DNAH10: variants seen among roughly 807,000 people sequenced by gnomAD.
DNAH10 encodes the protein dynein axonemal heavy chain 10.
DNAH10 carries 348 observed loss-of-function variants against 506.6 expected under a neutral mutation model. The ratio of observed to expected loss-of-function variants is 0.69; its 90% CI spans 0.63 to 0.75. The LOEUF is 0.75. Among genes scored for constraint, DNAH10 ranks in the 30% least tolerant of loss-of-function variants. DNAH10 has a pLI of 0.00. For missense variants in DNAH10, 5,179 were observed against 5,787.1 expected, an observed-to-expected ratio of 0.89 and a Z score of 3.41; for synonymous variants, 2,059 against 2,198.6, an observed-to-expected ratio of 0.94 and a Z score of 1.78.
chr12:123,885,469 CATTTTTTTTT>C (rs1952688961), intron 51 of DNAH10, among the ~76,000 whole-genome samples: 1 of 152,014 alleles, frequency 6.6e-6, no homozygotes, highest in Admixed American at 6.5e-5. Flanking sequence ...GAATATTGTT[CATTTTTTTTT>C]CCCTATAGGA....
chr12:123,866,299 A>G (rs1566016095), intron 41 of DNAH10, among the ~76,000 whole-genome samples: 1 of 122,574 alleles, frequency 8.2e-6, no homozygotes, highest in Non-Finnish European at 1.6e-5. Flanking sequence ...GCTGGAGTGC[A>G]GTGGCGCAAT....
chr12:123,893,297 A>T lies in DNAH10; in HGVS notation c.9060A>T (p.Glu3020Asp), dbSNP rs777869489. The T allele has an allele frequency of 1.1e-4, 180 of 1,614,066 alleles. 1 individual carries two copies. In the Middle Eastern group the frequency reaches 2.1e-3, roughly 19 times the overall value. Residue 3020 changes from glutamate (E) to aspartate (D), a missense_variant, in exon 53 of 79, where the codon GAA becomes GAT. By Grantham distance (45) the Glu-to-Asp change is conservative. Around this residue, in one of 3 missense-constraint regions of DNAH10, gnomAD observed 4,844 missense variants for 5,430.5 expected, o/e 0.89. Transcript: ENST00000673944. ...KESILSQIGQ[E>D]ALKQGMGPAK... Reference sequence around the variant, plus strand: ...CTATCCTGAGTCAGATTGGACAGGAAGCTCTGAAGCAAGGCATGGGGCCGG... The same window carrying T: ...CTATCCTGAGTCAGATTGGACAGGATGCTCTGAAGCAAGGCATGGGGCCGG...
At chr12:123,882,973 G>A (rs991158689) in intron 51 of DNAH10, among the ~76,000 whole-genome samples, 2 of 151,850 alleles carry the variant, frequency 1.3e-5, no homozygotes, top group Non-Finnish European at 2.9e-5. Context: ...CATGTGAATA[G>A]TGTGTGTGTC....
At chr12:123,872,889 G>T (rs1952092253) in intron 45 of DNAH10, among the ~76,000 whole-genome samples, 1 of 152,170 alleles carries the variant, frequency 6.6e-6, no homozygotes, top group Non-Finnish European at 1.5e-5. Flanking sequence ...AAGGTGTGTG[G>T]CACAAACCCT....
chr12:123,778,109 G>A (rs548359136), intron 5 of DNAH10, among the ~76,000 whole-genome samples: 1 of 152,130 alleles, frequency 6.6e-6, no homozygotes, highest in South Asian at 2.1e-4. Flanking sequence ...AGGCTGAAGT[G>A]GGAGGATCGC....
chr12:123,804,418 G>C (rs985183658), intron 17 of DNAH10, among the ~76,000 whole-genome samples: 21 of 151,848 alleles, frequency 1.4e-4, no homozygotes, highest in African/African-American at 4.8e-4. Context: ...CCAGCTACTC[G>C]GGAGGCTGAG....
intron 57 of DNAH10, chr12:123,908,195 T>C: frequency 2.6e-6 from 1 of 379,982 alleles, no homozygotes; most frequent in Non-Finnish European, 5.2e-6. Context: ...CCTCCCTGTC[T>C]CTCTGTCCCC....
intron 51 of DNAH10, among the ~76,000 whole-genome samples, chr12:123,884,207 G>A (rs981139548): frequency 3.9e-5 from 6 of 152,184 alleles, no homozygotes; most frequent in African/African-American, 1.4e-4. Context: ...GCTAACTTTT[G>A]TATTTTTACT....
At chr12:123,863,493 G>A (rs1052603246) in intron 39 of DNAH10, among the ~76,000 whole-genome samples, 1 of 152,198 alleles carries the variant, frequency 6.6e-6, no homozygotes, top group Non-Finnish European at 1.5e-5. Context: ...TCTAAAAAGA[G>A]GTGTGAGCAG....
intron 23 of DNAH10, among the ~76,000 whole-genome samples, 195 bp downstream of exon 23, chr12:123,819,445 T>A (rs1281746670): frequency 2.0e-5 from 3 of 150,026 alleles, no homozygotes; most frequent in African/African-American, 7.4e-5. Flanking sequence ...GACTCATTGA[T>A]TGTTGAGTGC....
In DNAH10 at chr12:123,857,067, G is replaced by C; in HGVS notation, c.6450G>C (p.Leu2150=). The change falls in exon 37 of 79, where the codon CTG becomes CTC. Residue 2150 remains leucine (L), a synonymous_variant. Coordinates refer to ENST00000673944, the MANE Select transcript of DNAH10 (RefSeq NM_001372106.1). ...GSSDLREDVV[L]MRALRDMNLP... ...TTCATTTCCTGCAGGACGTGGTGCT[G>C]ATGAGGGCCTTGCGAGACATGAACT... The C allele has an allele frequency of 1.2e-6, 2 of 1,611,852 alleles. No individual in the cohort carries two copies. The highest frequency in any genetic ancestry group is 2.7e-5 in the African/African-American group (2 of 74,936).
chr12:123,896,719 G>GAAAAAAA (rs60387471), intron 54 of DNAH10, among the ~76,000 whole-genome samples: 3 of 92,072 alleles, frequency 3.3e-5, no homozygotes, highest in African/African-American at 3.4e-5. Context: ...CCTGTCTCAA[G>GAAAAAAA]AAAAAAAAAA....
intron 17 of DNAH10, among the ~76,000 whole-genome samples, chr12:123,804,029 T>C (rs1424050008): frequency 6.6e-6 from 1 of 152,322 alleles, no homozygotes; most frequent in East Asian, 1.9e-4. Flanking sequence ...TATATATTGC[T>C]TAGTTTAACA....
At chr12:123,885,236 A>G (rs909250826) in intron 51 of DNAH10, among the ~76,000 whole-genome samples, 1 of 152,220 alleles carries the variant, frequency 6.6e-6, no homozygotes, top group African/African-American at 2.4e-5. Flanking sequence ...CTTACCAGCA[A>G]TGGGTTAAAG....
At chr12:123,764,893 G>A (rs999654081) in intron 1 of DNAH10, among the ~76,000 whole-genome samples, 2 of 152,106 alleles carry the variant, frequency 1.3e-5, no homozygotes, top group African/African-American at 4.8e-5. Flanking sequence ...GGTGTTGGGG[G>A]TTCTGGCCAG....
At chr12:123,771,542 T>C (rs765626908) in intron 2 of DNAH10, 59 bp from the exon 3 acceptor site, 21 of 1,447,698 alleles carry the variant, frequency 1.5e-5, no homozygotes, top group Non-Finnish European at 7.7e-6. Flanking sequence ...GGGCTGCTCT[T>C]GATGGTAGGA....
intron 52 of DNAH10, 82 bp from the exon 53 acceptor site, chr12:123,893,151 C>T: frequency 1.4e-6 from 2 of 1,406,602 alleles, no homozygotes; most frequent in South Asian, 1.2e-5. Context: ...GATCTTTCCA[C>T]ACCTTCCATC....
At chr12:123,915,858 G>A (rs1954453907) in intron 62 of DNAH10, among the ~76,000 whole-genome samples, 1 of 152,224 alleles carries the variant, frequency 6.6e-6, no homozygotes, top group Non-Finnish European at 1.5e-5. Context: ...GTGGCCATGT[G>A]TTTTCAGTTC....
intron 59 of DNAH10, among the ~76,000 whole-genome samples, chr12:123,912,716 A>G (rs1378782464): frequency 6.6e-6 from 1 of 152,202 alleles, no homozygotes; most frequent in Non-Finnish European, 1.5e-5. Flanking sequence ...GATCATTTTG[A>G]GTCATATTGT....
Sources: gnomAD v4.1 joint callset for allele counts (sites outside exome capture counted in the v4.1 genomes callset) on GRCh38, gnomAD v4.1.1 for gene constraint, gnomAD v4.1.1 regional missense constraint, MANE v1.5 for transcripts, NCBI Gene and HGNC (gene_info 2026-07-23, HGNC 2026-07-21) for gene names.